Variants in UBE2G2 observed in about 807,000 individuals in gnomAD.
UBE2G2 encodes the protein ubiquitin-conjugating enzyme E2 G2.
UBE2G2 carries 10 observed loss-of-function variants against 23.0 expected under a neutral mutation model. The ratio of observed to expected loss-of-function variants is 0.43; its 90% CI spans 0.27 to 0.74. UBE2G2 has a LOEUF of 0.74. Among genes scored for constraint, UBE2G2 ranks in the 30% least tolerant of loss-of-function variants. The probability of loss-of-function intolerance (pLI) is 0.19; values close to 1 mark genes in which losing one functional copy is unlikely to be tolerated. For missense variants in UBE2G2, 150 were observed against 218.3 expected (o/e 0.69, Z 1.97); for synonymous variants, 86 against 81.3 (o/e 1.06, Z -0.31).
At chr21:44,781,860 G>A (rs1009224820) in intron 3 of UBE2G2, among the ~76,000 whole-genome samples, 1 of 152,148 alleles carries the variant, frequency 6.6e-6, no homozygotes, top group Non-Finnish European at 1.5e-5. Context: ...TATAGCTTTT[G>A]CTCCATATAA....
chr21:44,788,511 G>C (rs993793503), intron 1 of UBE2G2, among the ~76,000 whole-genome samples: 2 of 152,020 alleles, frequency 1.3e-5, no homozygotes, highest in Non-Finnish European at 1.5e-5. Flanking sequence ...GGATGGTCTA[G>C]ATCTCCTGAC....
chr21:44,794,398 A>T (rs1465722162), intron 1 of UBE2G2, among the ~76,000 whole-genome samples: 7 of 152,236 alleles, frequency 4.6e-5, no homozygotes, highest in Non-Finnish European at 7.3e-5. Context: ...ACTATAAAAC[A>T]TCTAGAAGAA....
intron 3 of UBE2G2, among the ~76,000 whole-genome samples, chr21:44,781,691 C>T (rs2082958215): frequency 6.6e-6 from 1 of 152,184 alleles, no homozygotes; most frequent in African/African-American, 2.4e-5. Flanking sequence ...CAGAGCAGGG[C>T]CCTGGCTCTG....
At chr21:44,791,016 A>G (rs1251453022) in intron 1 of UBE2G2, among the ~76,000 whole-genome samples, 1 of 152,192 alleles carries the variant, frequency 6.6e-6, no homozygotes, top group African/African-American at 2.4e-5. Flanking sequence ...AAAAGAGAAG[A>G]GGAACTTCTT....
At chr21:44,801,402 C>T (rs1336751296) in intron 1 of UBE2G2, 1 of 1,199,490 alleles carries the variant, frequency 8.3e-7, no homozygotes, top group Admixed American at 4.6e-5. Flanking sequence ...CTCAAGGCTG[C>T]CAAGAAAAGA....
In UBE2G2 at chr21:44,771,297, G is replaced by A; in HGVS notation, c.*80C>T. ...GTCTGCCTTGTTTGGTACCAGCACA[G>A]AGCATCACTGTCACTAAGTGTGCCG... is the stretch of plus-strand genomic sequence containing the variant. On this transcript the variant is annotated 3_prime_UTR_variant, in exon 6 of 6. Coordinates refer to ENST00000345496, the MANE Select transcript of UBE2G2 (RefSeq NM_003343.6). The surrounding 1 kb of genome is among the most constrained non-coding windows in gnomAD (Gnocchi z 4.6). 7.5e-7 allele frequency: 1 copy of A among 1,337,342 alleles called. No homozygotes were observed. The highest frequency in any genetic ancestry group is 1.1e-6 in the Non-Finnish European group (1 of 940,998). 82.8% of individuals were successfully genotyped at this position (1,337,342 alleles called of 1,614,324 possible).
rs2082865073 is a variant in UBE2G2 at position 44,770,545 on chromosome 21, G to A, written c.*832C>T. On this transcript the variant is annotated 3_prime_UTR_variant, in exon 6 of 6. Transcript: ENST00000345496. ...CGATTCTCCTGCCTCAGCCTCCTGA[G>A]TAGCTGAGACTACAGGCGTGCACCA... is the stretch of plus-strand genomic sequence containing the variant. 6.6e-6 allele frequency: 1 copy of A among 152,258 alleles called. No homozygotes were observed. Among genetic ancestry groups the A allele is most frequent in the Non-Finnish European group, 1.5e-5 (1 of 68,098 alleles). The allele number at this position is 152,258 out of a possible 1,614,324, so 9.4% of individuals were successfully genotyped here.
chr21:44,784,933 C>A (rs192418246), intron 3 of UBE2G2, among the ~76,000 whole-genome samples: 1 of 152,186 alleles, frequency 6.6e-6, no homozygotes, highest in Admixed American at 6.5e-5. Context: ...AGGGACTCCA[C>A]GCCTTGTCCG....
At chr21:44,785,153 T>C (rs1444568897) in intron 3 of UBE2G2, among the ~76,000 whole-genome samples, 3 of 152,050 alleles carry the variant, frequency 2.0e-5, no homozygotes, top group African/African-American at 7.2e-5. Flanking sequence ...TCCAAATAAG[T>C]CAAAGAGAGG....
intron 1 of UBE2G2, among the ~76,000 whole-genome samples, chr21:44,794,120 T>C (rs2083066799): frequency 6.6e-6 from 1 of 152,194 alleles, no homozygotes; most frequent in Non-Finnish European, 1.5e-5. Context: ...TAAGAAGAGA[T>C]GAGGACACAG....
chr21:44,781,948 AAAATTTTT>A (rs1555961393), intron 3 of UBE2G2, among the ~76,000 whole-genome samples: 1 of 152,220 alleles, frequency 6.6e-6, no homozygotes, highest in Non-Finnish European at 1.5e-5. Context: ...GATGTTTCTT[AAAATTTTT>A]AAATCTAATA....
At chr21:44,773,860 A>T in intron 4 of UBE2G2, 173 bp from the exon 5 acceptor site, 1 of 874,542 alleles carries the variant, frequency 1.1e-6, no homozygotes, top group Non-Finnish European at 1.7e-6. Flanking sequence ...GTCTGCAGGA[A>T]TCCCGGTGGG....
At chr21:44,788,766 C>G (rs2083020470) in intron 1 of UBE2G2, among the ~76,000 whole-genome samples, 1 of 146,440 alleles carries the variant, frequency 6.8e-6, no homozygotes, top group Non-Finnish European at 1.5e-5. Flanking sequence ...AGTGGGCAAC[C>G]AGAGTGAGAC....
chr21:44,785,434 T>C (rs1044219341), intron 3 of UBE2G2, among the ~76,000 whole-genome samples: 26 of 152,234 alleles, frequency 1.7e-4, no homozygotes, highest in African/African-American at 6.0e-4. Flanking sequence ...CAGTGCATCT[T>C]TGACATGTCT....
intron 3 of UBE2G2, among the ~76,000 whole-genome samples, chr21:44,787,622 T>TTAA (rs1175563122): frequency 6.6e-6 from 1 of 152,230 alleles, no homozygotes; most frequent in Non-Finnish European, 1.5e-5. Context: ...TGAGGTTATT[T>TTAA]TAACCACGAT....
chr21:44,788,532 G>A lies in UBE2G2; in HGVS notation c.44-437C>T, dbSNP rs142224525. ...TCTAGATCTCCTGACCTCGTGATCC[G>A]CCAGCCTCGGCCTCCCAAAGTGCTG... On this transcript the variant is annotated intron_variant, in intron 1 of 5. Transcript: ENST00000345496. Among the ~76,000 whole-genome samples the A allele has an allele frequency of 7.4e-3, 1,124 of 152,102 alleles. 14 individuals are homozygous for A. Among genetic ancestry groups the A allele is most frequent in the African/African-American group, 0.026 (1,097 of 41,496 alleles).
At chr21:44,799,779 A>G (rs1362600697) in intron 1 of UBE2G2, among the ~76,000 whole-genome samples, 1 of 152,244 alleles carries the variant, frequency 6.6e-6, no homozygotes, top group Non-Finnish European at 1.5e-5. Flanking sequence ...CAACTTGGCT[A>G]ACAAGAGACC....
chr21:44,773,123 G>A (rs112866478), intron 5 of UBE2G2, among the ~76,000 whole-genome samples: 13 of 152,244 alleles, frequency 8.5e-5, no homozygotes, highest in African/African-American at 3.1e-4. Context: ...GAAGTGGCCC[G>A]AGAGTCCCTG....
At chr21:44,786,651 A>C (rs2082998707) in intron 3 of UBE2G2, among the ~76,000 whole-genome samples, 1 of 152,372 alleles carries the variant, frequency 6.6e-6, no homozygotes, top group Middle Eastern at 3.4e-3. Context: ...TTCCAAAAGC[A>C]TCATGAAGCT....
Sources: gnomAD v4.1 joint callset for allele counts (sites outside exome capture counted in the v4.1 genomes callset) on GRCh38, gnomAD v4.1.1 for gene constraint, Gnocchi (gnomAD v3.1) non-coding constraint, MANE v1.5 for transcripts, NCBI Gene and HGNC (gene_info 2026-07-23, HGNC 2026-07-21) for gene names.